COL15A1: variants seen among roughly 807,000 people sequenced by gnomAD.
The protein encoded by COL15A1 is collagen type XV alpha 1 chain, also known as collagen alpha-1(XV) chain.
In COL15A1, 111 loss-of-function variants were observed where a neutral mutation model predicts 165.9. The observed-to-expected ratio is 0.67, with a 90% CI of 0.57 to 0.78. The LOEUF (loss-of-function observed/expected upper bound fraction) is 0.78, where lower values mean the gene tolerates loss of function less well. Ranked by LOEUF, COL15A1 falls within the 30% of genes least tolerant of loss-of-function variation. COL15A1 has a pLI of 0.00. For missense variants in COL15A1, 1,745 were observed against 1,789.7 expected (o/e 0.98, Z 0.45); for synonymous variants, 659 against 674.8 (o/e 0.98, Z 0.36).
Position 99,016,047 on chromosome 9 carries a change from G to T in COL15A1, c.1575G>T (p.Glu525Asp), listed in dbSNP as rs1255962271. Residue 525 changes from glutamate to aspartate, a missense_variant, in exon 11 of 42, where the codon GAG becomes GAT. Glu to Asp is a conservative substitution (Grantham distance 45). Coordinates refer to ENST00000375001, the MANE Select transcript of COL15A1 (RefSeq NM_001855.5). ...CCCTCATCACAGCTGGGGGTGAAGA[G>T]TCCGGCAGCCCTCCCCCTGATGGGC... is the stretch of plus-strand genomic sequence containing the variant. ...EEPLITAGGEESGSPPPDGPP... is the reference protein window; with the variant it reads ...EEPLITAGGEDSGSPPPDGPP... The T allele has an allele frequency of 6.2e-7, 1 of 1,614,062 alleles. No individual in the cohort carries two copies. The highest frequency in any genetic ancestry group is 1.3e-5 in the African/African-American group (1 of 75,064).
At chr9:99,018,005 A>T (rs1158962034) in intron 11 of COL15A1, among the ~76,000 whole-genome samples, 1 of 152,180 alleles carries the variant, frequency 6.6e-6, no homozygotes, top group East Asian at 1.9e-4. Context: ...ATACTGGAGT[A>T]TTCAAAAATC....
intron 38 of COL15A1, among the ~76,000 whole-genome samples, chr9:99,062,540 T>C (rs182469733): frequency 1.2e-4 from 18 of 152,344 alleles, no homozygotes; most frequent in Admixed American, 9.8e-4. Flanking sequence ...CCAAATCTTC[T>C]TGGGCAGAGG....
intron 19 of COL15A1, 73 bp from the exon 20 acceptor site, chr9:99,036,097 A>T: frequency 8.1e-7 from 1 of 1,227,166 alleles, no homozygotes; most frequent in Admixed American, 1.7e-5. Flanking sequence ...TTAGGGGGAG[A>T]TGGTGAGACA....
intron 35 of COL15A1, among the ~76,000 whole-genome samples, 171 bp from the exon 36 acceptor site, chr9:99,059,718 T>G (rs554358686): frequency 6.6e-6 from 1 of 152,246 alleles, no homozygotes; most frequent in Non-Finnish European, 1.5e-5. Flanking sequence ...CCAGTCAATG[T>G]GGCCTAAGTC....
intron 2 of COL15A1, among the ~76,000 whole-genome samples, chr9:98,967,670 G>A (rs1324868589): frequency 2.0e-5 from 3 of 152,194 alleles, no homozygotes; most frequent in Admixed American, 2.0e-4. Flanking sequence ...CCCTGCCTGG[G>A]TTGGTCCATG....
At chr9:99,039,193 G>A (rs748031534) in intron 22 of COL15A1, among the ~76,000 whole-genome samples, 18 of 152,124 alleles carry the variant, frequency 1.2e-4, no homozygotes, top group Non-Finnish European at 2.1e-4. Flanking sequence ...CTCTAAAATG[G>A]GATTATAATG....
chr9:98,982,552 T>C (rs1183705751), intron 2 of COL15A1, among the ~76,000 whole-genome samples: 1 of 152,066 alleles, frequency 6.6e-6, no homozygotes, highest in Admixed American at 6.6e-5. Flanking sequence ...TATCAACAGA[T>C]AGAGTTGTGT....
intron 2 of COL15A1, among the ~76,000 whole-genome samples, chr9:98,967,441 C>T (rs1837975070): frequency 6.6e-6 from 1 of 152,192 alleles, no homozygotes; most frequent in Admixed American, 6.5e-5. Flanking sequence ...CCACTTACCT[C>T]CAGGGGCTGA....
At chr9:98,963,231 T>G (rs1837890721) in intron 2 of COL15A1, among the ~76,000 whole-genome samples, 1 of 152,110 alleles carries the variant, frequency 6.6e-6, no homozygotes, top group South Asian at 2.1e-4. Context: ...TTATGCACCT[T>G]AGGTAGCTAG....
chr9:99,066,758 A>AAAATGACCTCC, intron 39 of COL15A1, 124 bp from the exon 40 acceptor site: 1 of 791,838 alleles, frequency 1.3e-6, no homozygotes, highest in Non-Finnish European at 2.0e-6. Flanking sequence ...GGGATTGAAT[A>AAAATGACCTCC]AAATGACCTC....
In COL15A1 at chr9:99,022,158, T is replaced by G; in HGVS notation, c.1761+8T>G. ...GGGCCTGTTGGACCCACGGTGAGAT[T>G]CCCATCCAGGCTTGTCACACACACA... On this transcript the variant is annotated splice_region_variant and intron_variant, in intron 13 of 41. Coordinates refer to ENST00000375001, the MANE Select transcript of COL15A1 (RefSeq NM_001855.5). The G allele has an allele frequency of 1.2e-6, 2 of 1,614,056 alleles. No individual in the cohort carries two copies. The highest frequency in any genetic ancestry group is 1.7e-6 in the Non-Finnish European group (2 of 1,179,976).
In COL15A1 at chr9:98,997,089, C is replaced by T. The variant is rs1350084386; in HGVS notation, c.952+8C>T. The T allele has an allele frequency of 1.2e-5, 19 of 1,613,980 alleles. No homozygotes were observed. Among genetic ancestry groups the T allele is most frequent in the South Asian group, 2.2e-5 (2 of 91,080 alleles). ...ACAGCAGCCCCAAACAAGGCAAGTC[C>T]GGATGCACATGCCTACGTAGTGGCC... On this transcript the variant is annotated splice_region_variant and intron_variant, in intron 6 of 41. Coordinates refer to ENST00000375001, the MANE Select transcript of COL15A1 (RefSeq NM_001855.5).
In COL15A1 at chr9:98,993,276, G is replaced by GT. The variant is rs568742206; in HGVS notation, c.805-3657dup. Among the ~76,000 whole-genome samples, 40 of 152,334 alleles carry GT rather than the reference G, an allele frequency of 2.6e-4. 3 individuals carry two copies. In the South Asian group the frequency reaches 5.6e-3, roughly 21 times the overall value. ...GGGTTTGTTGTGAGGATTAAGGGAGGTGATGTGATGTGTCAGAGAGCAGCT... is the reference window on the plus strand; with the variant it reads ...GGGTTTGTTGTGAGGATTAAGGGAGGTTGATGTGATGTGTCAGAGAGCAGCT... On this transcript the variant is annotated intron_variant, in intron 5 of 41. Coordinates refer to ENST00000375001, the MANE Select transcript of COL15A1 (RefSeq NM_001855.5).
In COL15A1 at chr9:99,016,083, C is replaced by T. The variant is rs150770653; in HGVS notation, c.1611C>T (p.Pro537=). 8.8e-5 allele frequency: 142 copies of T among 1,613,648 alleles called. 1 individual carries two copies. Among genetic ancestry groups the T allele is most frequent in the Non-Finnish European group, 1.1e-4 (127 of 1,179,766 alleles). The change falls in exon 11 of 42, where the codon CCC becomes CCT. Residue 537 remains proline, a synonymous_variant. Transcript: ENST00000375001. ...CTCCCCCTGATGGGCCACCGCTGCC[C>T]CTGCCCACAGTGGCTCCTGAAAGAT... ...GSPPPDGPPL[P]LPTVAPERWI... is the part of the protein sequence containing the mutation.
At chr9:99,062,986 T>C (rs1825839697) in intron 38 of COL15A1, 64 bp from the exon 39 acceptor site, 3 of 1,542,934 alleles carry the variant, frequency 1.9e-6, no homozygotes, top group South Asian at 1.3e-5. Context: ...TGCACCTCAA[T>C]ACACTCTGAA....
chr9:98,993,352 G>T (rs1287867777), intron 5 of COL15A1, among the ~76,000 whole-genome samples: 1 of 152,162 alleles, frequency 6.6e-6, no homozygotes, highest in Non-Finnish European at 1.5e-5. Flanking sequence ...TTCCTCTTGG[G>T]GCCTCCTGGT....
Position 99,003,524 on chromosome 9 carries a change from T to A in COL15A1, c.1137T>A (p.Ser379Arg). 6.4e-7 allele frequency: 1 copy of A among 1,571,030 alleles called. No individual in the cohort carries two copies. Among genetic ancestry groups the A allele is most frequent in the Non-Finnish European group, 8.6e-7 (1 of 1,157,738 alleles). Residue 379 changes from serine (S) to arginine (R), a missense_variant, in exon 8 of 42, where the codon AGT (serine) becomes AGA (arginine). Ser to Arg is a moderately radical substitution (Grantham distance 110). Transcript: ENST00000375001. ...CTGCTGGAGAAGCAGAGGCCAGCAG[T>A]GTGCCCACCGGGGGACCAACCCTCT... ...ISTAGEAEAS[S>R]VPTGGPTLSM...
chr9:98,982,868 A>C (rs550458818), intron 2 of COL15A1, among the ~76,000 whole-genome samples: 3 of 152,254 alleles, frequency 2.0e-5, no homozygotes, highest in South Asian at 2.1e-4. Context: ...TCCTGGGCTC[A>C]AGTGATCTGC....
intron 2 of COL15A1, among the ~76,000 whole-genome samples, chr9:98,951,485 C>T (rs923984214): frequency 1.3e-5 from 2 of 152,218 alleles, no homozygotes; most frequent in Non-Finnish European, 2.9e-5. Context: ...GACTTCAGCT[C>T]ACATCAAATC....
Sources: allele counts gnomAD v4.1 joint callset (sites outside exome capture counted in the v4.1 genomes callset), GRCh38; gene constraint gnomAD v4.1.1; transcripts MANE v1.5; gene names NCBI Gene and HGNC (gene_info 2026-07-23, HGNC 2026-07-21).